The following NLRP5 variants were observed in gnomAD, a reference collection of about 807,000 sequenced individuals.
NLRP5 encodes NLR family pyrin domain containing 5.
NLRP5 carries 93 observed loss-of-function variants against 113.1 expected under a neutral mutation model. The observed-to-expected ratio is 0.82, with a 90% confidence interval of 0.70 to 0.98. The LOEUF (loss-of-function observed/expected upper bound fraction) is 0.98. Ranked by LOEUF, NLRP5 falls within the 50% of genes least tolerant of loss-of-function variation. The probability of loss-of-function intolerance (pLI) is 0.00; values close to 1 mark genes in which losing one functional copy is unlikely to be tolerated. For synonymous variants in NLRP5, 751 were observed against 600.7 expected, an observed-to-expected ratio of 1.25 and a Z score of -3.66; for missense variants, 1,808 against 1,514.3, an observed-to-expected ratio of 1.19 and a Z score of -3.22.
At chr19:55,998,661 T>TGC (rs2123257229), upstream of NLRP5, among the ~76,000 whole-genome samples, 1 of 64,592 alleles carries the variant, frequency 1.5e-5, no homozygotes, top group East Asian at 3.3e-4. Context: ...TCAAAATATG[T>TGC]GTGTGTGTGT....
chr19:56,008,367 T>C (rs972359923), intron 2 of NLRP5, among the ~76,000 whole-genome samples: 2 of 151,924 alleles, frequency 1.3e-5, no homozygotes, highest in Non-Finnish European at 2.9e-5. Flanking sequence ...AAAAAGTAGA[T>C]TGGGGGATGG....
At chr19:56,006,317 C>T (rs143687971) in intron 2 of NLRP5, among the ~76,000 whole-genome samples, 169 of 152,148 alleles carry the variant, frequency 1.1e-3, no homozygotes, top group African/African-American at 3.8e-3. Flanking sequence ...GGAGATATAC[C>T]TAATGTAAAT....
rs780813539 is a variant in NLRP5, at chr19:56,027,907, G to C, written c.1674G>C (p.Glu558Asp). The change falls in exon 7 of 15, where the codon GAG (glutamate) becomes GAC (aspartate). Residue 558 changes from glutamate (E) to aspartate (D), a missense_variant. By Grantham distance (45) the Glu-to-Asp change is conservative. Transcript: ENST00000390649. ...ACCTCATGGTTCAAGGACTCGGGGAGTCTGAGCTCCGTGCTCTGTTTCACA... is the reference window on the plus strand; with the variant it reads ...ACCTCATGGTTCAAGGACTCGGGGACTCTGAGCTCCGTGCTCTGTTTCACA... 1.9e-6 allele frequency: 3 copies of C among 1,613,752 alleles called. No homozygotes were observed. Among genetic ancestry groups the C allele is most frequent in the African/African-American group, 2.7e-5 (2 of 74,922 alleles).
chr19:56,011,246 G>C (rs145093954), intron 3 of NLRP5, among the ~76,000 whole-genome samples: 40 of 152,138 alleles, frequency 2.6e-4, no homozygotes, highest in Non-Finnish European at 3.2e-4. Context: ...ATCACAAAAA[G>C]ATATATATTG....
chr19:56,041,669 G>A (rs1249958395), intron 11 of NLRP5, among the ~76,000 whole-genome samples: 1 of 152,116 alleles, frequency 6.6e-6, no homozygotes, highest in African/African-American at 2.4e-5. Context: ...CTATTGCAGC[G>A]GGGCGCGGTG....
Position 56,041,807 on chromosome 19 carries a change from G to A in NLRP5, c.2957+715G>A, listed in dbSNP as rs944359903. 2.6e-5 allele frequency among the ~76,000 whole-genome samples: 4 copies of A among 152,200 alleles called. No individual in the cohort carries two copies. In the South Asian group the frequency reaches 6.2e-4, roughly 24 times the overall value. On this transcript the variant is annotated intron_variant, in intron 11 of 14. Transcript: ENST00000390649. ...TACTAAAAATACAAAAAATTAGCCG[G>A]GTGTGGTGGCGCATACCTGTAATCC... is the stretch of plus-strand genomic sequence containing the variant.
chr19:56,024,584 T>TACATAC (rs1555766951), intron 6 of NLRP5, among the ~76,000 whole-genome samples: 1 of 147,242 alleles, frequency 6.8e-6, no homozygotes, highest in Non-Finnish European at 1.5e-5. Flanking sequence ...TATATATACA[T>TACATAC]ACACACACAC....
chr19:56,052,394 G>A (rs989912994), intron 12 of NLRP5, among the ~76,000 whole-genome samples: 12 of 151,938 alleles, frequency 7.9e-5, no homozygotes, highest in Admixed American at 6.6e-4. Flanking sequence ...TCAGCCTCCC[G>A]AGAAGCTGGG....
chr19:56,050,390 T>C (rs1983887360), intron 11 of NLRP5, 28 bp from the exon 12 acceptor site: 1 of 1,606,138 alleles, frequency 6.2e-7, no homozygotes, highest in African/African-American at 1.3e-5. Flanking sequence ...AGCATCACGA[T>C]CTTCTTTCCC....
intron 9 of NLRP5, among the ~76,000 whole-genome samples, chr19:56,036,128 A>G (rs1159816807): frequency 2.9e-5 from 4 of 137,792 alleles, no homozygotes; most frequent in African/African-American, 8.3e-5. Flanking sequence ...CAGTGGTGCA[A>G]TCTCGGCTCA....
At position 56,002,618 on chromosome 19, in the gene NLRP5, C is replaced by G. The variant is rs1245014573; in HGVS notation, c.63-1098C>G. ...CTCCTAATGCTATCGCTCCCCCCTC[C>G]CCCAACCCCACAACAGTCCCTGGTG... On this transcript the variant is annotated intron_variant, in intron 1 of 14. Coordinates refer to ENST00000390649, the MANE Select transcript of NLRP5 (RefSeq NM_153447.4). Among the ~76,000 whole-genome samples, 2 of 149,360 alleles carry G rather than the reference C, an allele frequency of 1.3e-5. 1 individual carries two copies. Among genetic ancestry groups the G allele is most frequent in the Non-Finnish European group, 2.9e-5 (2 of 67,818 alleles).
rs878912661 is a variant in NLRP5, at chr19:56,061,611, G to A, written c.*83G>A. ...TTCTCAGAGCAAGCTATGCACCTGG[G>A]AGTTCCTTCTCAAAGATGGAGAATG... On this transcript the variant is annotated 3_prime_UTR_variant, in exon 15 of 15. Coordinates refer to ENST00000390649, the MANE Select transcript of NLRP5 (RefSeq NM_153447.4). 7.0e-7 allele frequency: 1 copy of A among 1,434,112 alleles called. No homozygotes were observed. Among genetic ancestry groups the A allele is most frequent in the African/African-American group, 1.4e-5 (1 of 70,936 alleles). The allele number at this position is 1,434,112 out of a possible 1,614,324, so 88.8% of individuals were successfully genotyped here.
intron 14 of NLRP5, among the ~76,000 whole-genome samples, chr19:56,058,680 T>A (rs1984247161): frequency 6.6e-6 from 1 of 152,154 alleles, no homozygotes; most frequent in Non-Finnish European, 1.5e-5. Context: ...ATGTTTATGC[T>A]GAAAAAACTA....
At chr19:56,052,017 CAATT>C (rs1196826654) in intron 12 of NLRP5, among the ~76,000 whole-genome samples, 5 of 152,042 alleles carry the variant, frequency 3.3e-5, no homozygotes, top group African/African-American at 7.2e-5. Context: ...GAATCTTAGT[CAATT>C]AGAGACATCA....
At position 56,048,650 on chromosome 19, in the gene NLRP5, T is replaced by A. The variant is rs542418372; in HGVS notation, c.2958-1768T>A. Among the ~76,000 whole-genome samples, 8 of 152,272 alleles carry A rather than the reference T, an allele frequency of 5.3e-5. No individual in the cohort carries two copies. In the East Asian group the frequency reaches 1.4e-3, roughly 26 times the overall value. On this transcript the variant is annotated intron_variant, in intron 11 of 14. Transcript: ENST00000390649. The stretch of plus-strand genomic sequence containing the variant: ...GCTTCTGTCTCACAGTTCTTAAGAT[T>A]CTTTCCTTCATCTTAATTTTAGATA...
intron 3 of NLRP5, among the ~76,000 whole-genome samples, chr19:56,014,409 G>A (rs1428024566): frequency 6.6e-6 from 1 of 151,564 alleles, no homozygotes; most frequent in Non-Finnish European, 1.5e-5. Flanking sequence ...GAACCCAGGA[G>A]GTGGAGGTTC....
intron 2 of NLRP5, among the ~76,000 whole-genome samples, chr19:56,006,455 G>A (rs896281048): frequency 4.6e-5 from 7 of 152,090 alleles, no homozygotes; most frequent in African/African-American, 1.4e-4. Context: ...TATAGGCCAG[G>A]TGGGTGTGGC....
intron 3 of NLRP5, among the ~76,000 whole-genome samples, chr19:56,009,339 C>CAATAAAAAA (rs1982088094): frequency 2.3e-5 from 1 of 44,304 alleles, no homozygotes; most frequent in African/African-American, 8.7e-5. Flanking sequence ...GACTCCATCT[C>CAATAAAAAA]AAAAAAAAAA....
At chr19:55,987,584 A>C in the NLRP5 span, among the ~76,000 whole-genome samples, 1 of 152,208 alleles carries the variant, frequency 6.6e-6, no homozygotes, top group Admixed American at 6.5e-5. Context: ...CAGATAAGTT[A>C]AATGGCTTGC....
Sources: gnomAD v4.1 joint callset for allele counts (sites outside exome capture counted in the v4.1 genomes callset) on GRCh38, gnomAD v4.1.1 for gene constraint, MANE v1.5 for transcripts, NCBI Gene and HGNC (gene_info 2026-07-23, HGNC 2026-07-21) for gene names.